Variants in CCNT2 observed in about 807,000 individuals in gnomAD.
CCNT2 encodes cyclin T2, also known as cyclin-T2.
In CCNT2, 18 loss-of-function variants were observed where a neutral mutation model predicts 70.0. That is an observed-to-expected ratio of 0.26 (90% CI 0.18 to 0.38). CCNT2 has a LOEUF of 0.38. CCNT2 is among the 10% of genes least tolerant of loss of function. The probability of loss-of-function intolerance (pLI) is 1.00; values close to 1 mark genes in which losing one functional copy is unlikely to be tolerated. For synonymous variants in CCNT2, 334 were observed against 313.3 expected (o/e 1.07, Z -0.70); for missense variants, 734 against 890.2 (o/e 0.82, Z 2.23).
In CCNT2 at chr2:134,945,549, C is replaced by T. The variant is rs1343498461; in HGVS notation, c.494-552C>T. 3 of 985,048 alleles carry T rather than the reference C, an allele frequency of 3.0e-6. No homozygotes were observed. In the Admixed American group the frequency reaches 1.8e-4, roughly 61 times the overall value. The allele number at this position is 985,048 out of a possible 1,614,324, so 61.0% of individuals were successfully genotyped here. Reference sequence around the variant, plus strand: ...TAAAATACAGTGGAGCCTCCTGTATCTGTACCCGTATGCTGTTTCTAGGTT... The same window carrying T: ...TAAAATACAGTGGAGCCTCCTGTATTTGTACCCGTATGCTGTTTCTAGGTT... On this transcript the variant is annotated intron_variant, in intron 5 of 8. Coordinates refer to ENST00000264157, the MANE Select transcript of CCNT2 (RefSeq NM_058241.3).
Position 134,954,996 on chromosome 2 carries a change from G to T in CCNT2, c.*348G>T. On this transcript the variant is annotated 3_prime_UTR_variant, in exon 9 of 9. Coordinates refer to ENST00000264157, the MANE Select transcript of CCNT2 (RefSeq NM_058241.3). ...TTGAATACTGTAGCTATTTTTTGTT[G>T]CTTGGCTTTTGAATGAGTGTAAATT... 5.1e-6 allele frequency: 1 copy of T among 195,244 alleles called. No individual in the cohort carries two copies. The allele number at this position is 195,244 out of a possible 1,614,324, so 12.1% of individuals were successfully genotyped here.
intron 2 of CCNT2, among the ~76,000 whole-genome samples, chr2:134,927,565 G>A (rs1573786000): frequency 2.0e-5 from 3 of 152,282 alleles, no homozygotes; most frequent in Admixed American, 2.0e-4. Flanking sequence ...TGTGCATTGA[G>A]TGTTTGCATT....
At chr2:134,922,849 T>A (rs933665365) in intron 2 of CCNT2, among the ~76,000 whole-genome samples, 9 of 152,212 alleles carry the variant, frequency 5.9e-5, no homozygotes, top group Non-Finnish European at 1.3e-4. Context: ...CACACCCTTT[T>A]CTAAGTATTT....
intron 2 of CCNT2, among the ~76,000 whole-genome samples, chr2:134,925,859 C>CT (rs3041372): frequency 0.052 from 4,456 of 85,236 alleles, 114 homozygotes; most frequent in African/African-American, 0.084. Context: ...GGATAGCTGC[C>CT]TTTTTTTTTT....
At chr2:134,919,591 A>G (rs3769025) in intron 1 of CCNT2, among the ~76,000 whole-genome samples, 19,354 of 152,178 alleles carry the variant, frequency 0.13, 1,411 homozygotes, top group Admixed American at 0.19. Context: ...CAGCGCTGTT[A>G]GAGTGAAAAG....
At chr2:134,927,717 A>T (rs1185674011) in intron 2 of CCNT2, among the ~76,000 whole-genome samples, 3 of 152,162 alleles carry the variant, frequency 2.0e-5, no homozygotes, top group Non-Finnish European at 4.4e-5. Flanking sequence ...TTTAAGTGAA[A>T]ATCCAATTAG....
chr2:134,919,363 G>A (rs1177236899), intron 1 of CCNT2, among the ~76,000 whole-genome samples: 1 of 152,204 alleles, frequency 6.6e-6, no homozygotes, highest in African/African-American at 2.4e-5. Context: ...AAGGGTTTGA[G>A]AGGTAGGAGG....
chr2:134,953,616 A>G lies in CCNT2; in HGVS notation c.1161A>G (p.Ile387Met). 1 of 1,614,006 alleles carries G rather than the reference A, an allele frequency of 6.2e-7. No homozygotes were observed. Among genetic ancestry groups the G allele is most frequent in the Non-Finnish European group, 8.5e-7 (1 of 1,179,864 alleles). Residue 387 changes from isoleucine (I) to methionine (M), a missense_variant, in exon 9 of 9, where the codon ATA (isoleucine) becomes ATG (methionine). Coordinates refer to ENST00000264157, the MANE Select transcript of CCNT2 (RefSeq NM_058241.3). ...TCAACTTCCAGCAGGGACCTTCTAT[A>G]TCACTGCATTCAGGATTACATCACA... ...YNINFQQGPS[I>M]SLHSGLHHRP...
chr2:134,927,644 A>G (rs1330453186), intron 2 of CCNT2, among the ~76,000 whole-genome samples: 2 of 152,234 alleles, frequency 1.3e-5, no homozygotes, highest in African/African-American at 4.8e-5. Flanking sequence ...CTGATTTTCA[A>G]GGCCATTGCA....
At chr2:134,919,088 G>A (rs1360577173) in intron 1 of CCNT2, 76 bp downstream of exon 1, 4 of 1,478,816 alleles carry the variant, frequency 2.7e-6, no homozygotes, top group Non-Finnish European at 3.6e-6. Flanking sequence ...CCGCGAACAT[G>A]GCGCCGCCGG....
intron 2 of CCNT2, among the ~76,000 whole-genome samples, chr2:134,920,761 C>A (rs1426513261): frequency 6.6e-6 from 1 of 151,918 alleles, no homozygotes; most frequent in Non-Finnish European, 1.5e-5. Context: ...AAAAATGGAC[C>A]AAAGAAGACT....
At chr2:134,953,207 T>G (rs777364426) in intron 8 of CCNT2, 23 bp from the exon 9 acceptor site, 11 of 1,548,952 alleles carry the variant, frequency 7.1e-6, no homozygotes, top group East Asian at 2.3e-5. Context: ...TATCACTGCT[T>G]CTTCTGTGTT....
chr2:134,932,397 G>GT (rs1680847743), intron 2 of CCNT2, among the ~76,000 whole-genome samples: 2 of 152,020 alleles, frequency 1.3e-5, no homozygotes, highest in African/African-American at 4.8e-5. Flanking sequence ...TCAGTATATT[G>GT]TTTAAGTATA....
chr2:134,929,876 C>G (rs1428836443), intron 2 of CCNT2, among the ~76,000 whole-genome samples: 2 of 151,758 alleles, frequency 1.3e-5, no homozygotes, highest in Non-Finnish European at 2.9e-5. Flanking sequence ...GTCTCGAACT[C>G]CTGACTTCAA....
chr2:134,919,090 C>A, intron 1 of CCNT2, 78 bp downstream of exon 1: 1 of 1,474,140 alleles, frequency 6.8e-7, no homozygotes, highest in East Asian at 2.3e-5. Flanking sequence ...GCGAACATGG[C>A]GCCGCCGGCC....
intron 2 of CCNT2, among the ~76,000 whole-genome samples, chr2:134,932,290 C>G (rs1025161519): frequency 1.3e-5 from 2 of 152,174 alleles, no homozygotes; most frequent in African/African-American, 2.4e-5. Flanking sequence ...CATGAGCCAC[C>G]ACGCTCGGCT....
intron 2 of CCNT2, among the ~76,000 whole-genome samples, chr2:134,932,621 A>G (rs1379441405): frequency 2.0e-5 from 3 of 152,246 alleles, no homozygotes; most frequent in African/African-American, 7.2e-5. Context: ...TGAGTAAGAA[A>G]ACTAAAATGC....
intron 1 of CCNT2, 29 bp downstream of exon 1, chr2:134,919,041 G>T (rs1257920020): frequency 3.4e-5 from 54 of 1,574,124 alleles, no homozygotes; most frequent in Non-Finnish European, 4.4e-5. Flanking sequence ...CGCCGCTCAC[G>T]CCCTGTTTCC....
chr2:134,943,982 AC>A (rs1397563696), intron 5 of CCNT2: 1 of 966,212 alleles, frequency 1.0e-6, no homozygotes, highest in Admixed American at 6.2e-5. Flanking sequence ...TTCATTTTAT[AC>A]CTAGTGATTT....
Sources: allele counts gnomAD v4.1 joint callset (sites outside exome capture counted in the v4.1 genomes callset), GRCh38; gene constraint gnomAD v4.1.1; transcripts MANE v1.5; gene names NCBI Gene and HGNC (gene_info 2026-07-23, HGNC 2026-07-21).